IL16: variants seen among roughly 807,000 people sequenced by gnomAD.
The protein encoded by IL16 is interleukin 16.
A neutral mutation model predicts 110.1 loss-of-function variants in IL16; 67 were observed. That is an observed-to-expected ratio of 0.61 (90% CI 0.50 to 0.75). The LOEUF is 0.75. IL16 is among the 30% of genes least tolerant of loss of function. The probability of loss-of-function intolerance (pLI) is 0.00; values close to 1 mark genes in which losing one functional copy is unlikely to be tolerated. For synonymous variants in IL16, 689 were observed against 662.9 expected, an observed-to-expected ratio of 1.04 and a Z score of -0.61; for missense variants, 1,545 against 1,655.0, an observed-to-expected ratio of 0.93 and a Z score of 1.15.
At chr15:81,237,102 A>G (rs533137214) in intron 2 of IL16, among the ~76,000 whole-genome samples, 3 of 152,188 alleles carry the variant, frequency 2.0e-5, no homozygotes, top group East Asian at 1.9e-4. Context: ...ACTGCCTCCA[A>G]GCCTTTGTCC....
chr15:81,214,561 T>TG (rs397798442), intron 1 of IL16, among the ~76,000 whole-genome samples: 1 of 151,972 alleles, frequency 6.6e-6, no homozygotes, highest in African/African-American at 2.4e-5. Context: ...ATTTTTTTTT[T>TG]GTTTGCATTG....
At chr15:81,262,071 C>T (rs978385473) in intron 3 of IL16, among the ~76,000 whole-genome samples, 1 of 152,066 alleles carries the variant, frequency 6.6e-6, no homozygotes, top group Admixed American at 6.5e-5. Context: ...GTCCTGCCCC[C>T]CCGAAAAGAG....
chr15:81,209,439 A>AGGT (rs1038019961), intron 1 of IL16, among the ~76,000 whole-genome samples: 1 of 152,062 alleles, frequency 6.6e-6, no homozygotes, highest in Non-Finnish European at 1.5e-5. Flanking sequence ...GTGGCAGAAG[A>AGGT]GGTGATGAGC....
intron 8 of IL16, among the ~76,000 whole-genome samples, chr15:81,280,629 A>G (rs1375580545): frequency 6.6e-6 from 1 of 152,228 alleles, no homozygotes; most frequent in African/African-American, 2.4e-5. Flanking sequence ...TTTGGAGAGA[A>G]GAGGATGGGC....
chr15:81,211,313 G>T (rs558218679), intron 1 of IL16, among the ~76,000 whole-genome samples: 1 of 151,552 alleles, frequency 6.6e-6, no homozygotes, highest in Non-Finnish European at 1.5e-5. Flanking sequence ...GTGCAGTGGT[G>T]CAATCTCTGC....
intron 2 of IL16, among the ~76,000 whole-genome samples, chr15:81,251,849 T>A (rs538110726): frequency 6.6e-6 from 1 of 152,198 alleles, no homozygotes; most frequent in Non-Finnish European, 1.5e-5. Context: ...TATTTTAATA[T>A]TACCTACAGT....
chr15:81,216,606 A>G (rs1207071251), intron 1 of IL16, among the ~76,000 whole-genome samples: 1 of 152,056 alleles, frequency 6.6e-6, no homozygotes. Flanking sequence ...TCTTTGAGGA[A>G]TGCTCAGCCA....
intron 3 of IL16, 52 bp from the exon 4 acceptor site, chr15:81,265,607 T>C (rs2142214770): frequency 6.2e-7 from 1 of 1,601,088 alleles, no homozygotes. Flanking sequence ...AGTTGAACTT[T>C]GCATTTTGAG....
intron 2 of IL16, among the ~76,000 whole-genome samples, chr15:81,248,556 CTTAAA>C (rs1194178928): frequency 1.3e-5 from 2 of 149,908 alleles, no homozygotes; most frequent in Non-Finnish European, 3.0e-5. Flanking sequence ...TATTTAACCT[CTTAAA>C]TTATAAGTAA....
chr15:81,196,674 G>C (rs1449531878), upstream of IL16, among the ~76,000 whole-genome samples: 2 of 152,176 alleles, frequency 1.3e-5, no homozygotes, highest in East Asian at 3.9e-4. Flanking sequence ...AACTGGGCTG[G>C]ACCAAGGAAC....
intron 10 of IL16, among the ~76,000 whole-genome samples, chr15:81,286,234 A>C (rs1359604926): frequency 6.6e-6 from 1 of 152,250 alleles, no homozygotes; most frequent in Non-Finnish European, 1.5e-5. Flanking sequence ...CACAGTATCA[A>C]TAAAGAGCCT....
intron 1 of IL16, among the ~76,000 whole-genome samples, chr15:81,199,859 C>G (rs1895745898): frequency 1.3e-5 from 2 of 152,206 alleles, no homozygotes; most frequent in Non-Finnish European, 2.9e-5. Context: ...GCTCCCGAAT[C>G]TGAGTAAGCA....
rs1449388546 is a variant in IL16 at position 81,297,010 on chromosome 15, G to T, written c.1985G>T (p.Gly662Val). 6.2e-7 allele frequency: 1 copy of T among 1,613,982 alleles called. No homozygotes were observed. Among genetic ancestry groups the T allele is most frequent in the Non-Finnish European group, 8.5e-7 (1 of 1,180,000 alleles). ...RSPSASAGCP[G>V]PGIGPQTKSS... ...CCTAGTGCCTCTGCCGGCTGCCCAG[G>T]ACCTGGTATCGGCCCACAGACCAAG... The change falls in exon 13 of 19, where the codon GGA becomes GTA. Residue 662 changes from glycine (G) to valine (V), a missense_variant. Coordinates refer to ENST00000683961, the MANE Select transcript of IL16 (RefSeq NM_172217.5).
chr15:81,199,030 A>AAAAAATAT (rs1555411597), intron 1 of IL16, among the ~76,000 whole-genome samples: 22 of 104,144 alleles, frequency 2.1e-4, no homozygotes, highest in East Asian at 9.5e-4. Context: ...AAAAAAAAAA[A>AAAAAATAT]ATATATATAT....
chr15:81,294,000 A>G (rs890833349), intron 12 of IL16, among the ~76,000 whole-genome samples: 6 of 152,160 alleles, frequency 3.9e-5, no homozygotes, highest in African/African-American at 1.4e-4. Flanking sequence ...CCTTACCCAG[A>G]AGCTGTCTCC....
chr15:81,260,554 C>T (rs192211150), intron 3 of IL16, among the ~76,000 whole-genome samples: 30 of 152,296 alleles, frequency 2.0e-4, no homozygotes. Flanking sequence ...TTAACCAAAT[C>T]CCTGTTATTA....
intron 3 of IL16, among the ~76,000 whole-genome samples, chr15:81,263,751 T>C (rs1252152915): frequency 6.6e-6 from 1 of 152,188 alleles, no homozygotes; most frequent in Non-Finnish European, 1.5e-5. Flanking sequence ...TTCATCCTCA[T>C]TCCCTCTGAA....
Position 81,225,710 on chromosome 15 carries a change from A to T in IL16, c.311A>T (p.Lys104Met). The change falls in exon 2 of 19, where the codon AAG becomes ATG. Residue 104 changes from lysine (K) to methionine (M), a missense_variant and splice_region_variant. Coordinates refer to ENST00000683961, the MANE Select transcript of IL16 (RefSeq NM_172217.5). ...GKTCRRIFFM[K>M]ESSTASSREK... is the part of the protein sequence containing the mutation. ...ACCTGTAGGAGGATATTCTTCATGA[A>T]GGTATGCCCAGGCTTTGCAGGCCTG... 6.3e-7 allele frequency: 1 copy of T among 1,597,306 alleles called. No individual in the cohort carries two copies.
intron 2 of IL16, among the ~76,000 whole-genome samples, chr15:81,228,378 G>C (rs1896860975): frequency 6.6e-6 from 1 of 151,484 alleles, no homozygotes; most frequent in Non-Finnish European, 1.5e-5. Context: ...TGGAGTACAG[G>C]GGTGCGATCT....
Sources: allele counts gnomAD v4.1 joint callset (sites outside exome capture counted in the v4.1 genomes callset), GRCh38; gene constraint gnomAD v4.1.1; transcripts MANE v1.5; gene names NCBI Gene and HGNC (gene_info 2026-07-23, HGNC 2026-07-21).